RPGR: variants seen among roughly 807,000 people sequenced by gnomAD.
The protein encoded by RPGR is retinitis pigmentosa GTPase regulator, also known as X-linked retinitis pigmentosa GTPase regulator.
Under a neutral mutation model 56.3 loss-of-function variants are expected in RPGR, and 10 were observed. The observed-to-expected ratio is 0.18, with a 90% confidence interval of 0.11 to 0.30. The LOEUF (loss-of-function observed/expected upper bound fraction) is 0.30. Among genes scored for constraint, RPGR ranks in the 10% least tolerant of loss-of-function variants. The pLI, the probability that RPGR is intolerant of heterozygous loss-of-function variation, is 1.00. For synonymous variants in RPGR, 197 were observed against 212.9 expected, an observed-to-expected ratio of 0.93 and a Z score of 0.65; for missense variants, 538 against 590.9, an observed-to-expected ratio of 0.91 and a Z score of 0.93.
chrX:38,321,762 C>A, intron 3 of RPGR, among the ~76,000 whole-genome samples: 1 of 111,451 alleles, frequency 9.0e-6, no homozygotes, highest in Admixed American at 9.5e-5. Context: ...ACCTAACCTG[C>A]CATCACCATT....
rs113968324 is a variant in RPGR, at chrX:38,269,709, C to G, written c.2365G>C (p.Asp789His). ...TGATTCTGACTCATGTGGTTCTGGT[C>G]GGCATCTTTATTATCACTTTTTAAA... Residue 789 changes from aspartate to histidine, a missense_variant, in exon 19 of 19, where the codon GAC becomes CAC. Coordinates refer to ENST00000642395, the MANE Select transcript of RPGR (RefSeq NM_000328.3). The G allele has an allele frequency of 7.5e-6, 9 of 1,206,513 alleles. No individual in the cohort carries two copies. Among genetic ancestry groups the G allele is most frequent in the Non-Finnish European group, 1.0e-5 (9 of 892,648 alleles).
At chrX:38,283,976 G>A (rs774355420) in intron 15 of RPGR, among the ~76,000 whole-genome samples, 1 of 111,948 alleles carries the variant, frequency 8.9e-6, no homozygotes, top group East Asian at 2.8e-4. Flanking sequence ...GCAATGCAAT[G>A]CCAAATCAGT....
chrX:38,292,378 T>C (rs1479584201), intron 11 of RPGR, among the ~76,000 whole-genome samples: 1 of 112,675 alleles, frequency 8.9e-6, no homozygotes, highest in Non-Finnish European at 1.9e-5. Flanking sequence ...TATTACATCA[T>C]AAAGTAGATA....
rs768274240 is a variant in RPGR, at chrX:38,318,904, C to T, written c.394G>A (p.Val132Ile). ...TGCTCGGATGTAAAAAAGCTAATTACATGAAAAGTGTTTCTTTCTTCGGTG... is the reference window on the plus strand; with the variant it reads ...TGCTCGGATGTAAAAAAGCTAATTATATGAAAAGTGTTTCTTTCTTCGGTG... The change falls in exon 5 of 19, where the codon GTA (valine) becomes ATA (isoleucine). Residue 132 changes from valine to isoleucine, a missense_variant. Coordinates refer to ENST00000642395, the MANE Select transcript of RPGR (RefSeq NM_000328.3). 305 of 1,210,349 alleles carry T rather than the reference C, an allele frequency of 2.5e-4. No individual in the cohort carries two copies. Among genetic ancestry groups the T allele is most frequent in the Non-Finnish European group, 3.3e-4 (296 of 895,191 alleles).
At chrX:38,273,607 GACA>G (rs2066879886) in intron 17 of RPGR, 3 of 465,209 alleles carry the variant, frequency 6.4e-6, no homozygotes, top group Non-Finnish European at 7.4e-6. Context: ...TGGAGTAGTG[GACA>G]ACATCTACAC....
rs769641256 is a variant in RPGR at position 38,299,102 on chromosome X, G to C, written c.1099C>G (p.Pro367Ala). 3.6e-5 allele frequency: 43 copies of C among 1,209,795 alleles called. No individual in the cohort carries two copies. Among genetic ancestry groups the C allele is most frequent in the Non-Finnish European group, 4.1e-5 (37 of 895,152 alleles). The change falls in exon 10 of 19, where the codon CCT (proline) becomes GCT (alanine). Residue 367 changes from proline to alanine, a missense_variant. Pro to Ala is a conservative substitution (Grantham distance 27, BLOSUM62 -1). Transcript: ENST00000642395. ...ATTTCTTTTGCCACACCACGATGAG[G>C]AGCAGCAAAAACTACCATGTGACAT... is the stretch of plus-strand genomic sequence containing the variant.
At chrX:38,301,876 CA>C (rs759405876) in intron 8 of RPGR, among the ~76,000 whole-genome samples, 2 of 110,829 alleles carry the variant, frequency 1.8e-5, no homozygotes, top group African/African-American at 6.6e-5. Context: ...GGCCTCCACC[CA>C]CTAAATGCCA....
intron 15 of RPGR, among the ~76,000 whole-genome samples, chrX:38,279,395 C>T (rs2066989988): frequency 9.0e-6 from 1 of 111,722 alleles, no homozygotes; most frequent in African/African-American, 3.3e-5. Flanking sequence ...AGGCATGGCA[C>T]AGTCAGGTGC....
intron 7 of RPGR, 116 bp from the exon 8 acceptor site, chrX:38,304,906 G>GA (rs754050957): frequency 1.3e-3 from 735 of 570,804 alleles, no homozygotes; most frequent in Non-Finnish European, 1.6e-3. Context: ...TGCCTCTGGG[G>GA]AAAAAAAAAC....
At chrX:38,291,590 T>C (rs2067280250) in intron 11 of RPGR, 106 bp from the exon 12 acceptor site, 5 of 480,815 alleles carry the variant, frequency 1.0e-5, no homozygotes, top group Non-Finnish European at 1.8e-5. Context: ...TAGGTATAAT[T>C]TTACTAAAAG....
chrX:38,320,660 A>C (rs142691371), intron 4 of RPGR, among the ~76,000 whole-genome samples: 1 of 110,768 alleles, frequency 9.0e-6, no homozygotes, highest in Non-Finnish European at 1.9e-5. Flanking sequence ...CACACACACA[A>C]AAGCTCATAT....
chrX:38,318,704 T>G, intron 5 of RPGR, 125 bp downstream of exon 5: 1 of 704,037 alleles, frequency 1.4e-6, no homozygotes, highest in South Asian at 2.5e-5. Context: ...AAATGTTTTC[T>G]GAAAGCACAT....
chrX:38,317,359 G>A lies in RPGR; in HGVS notation c.576C>T (p.Val192=). The change falls in exon 6 of 19, where the codon GTC becomes GTT. Residue 192 remains valine (V), a synonymous_variant. Transcript: ENST00000642395. Reference sequence around the variant, plus strand: ...GGTAATATCCACAAGAGATCCAGGAGACAGGTTTCCCAATGGTCACTTGCT... The same window carrying A: ...GGTAATATCCACAAGAGATCCAGGAAACAGGTTTCCCAATGGTCACTTGCT... 1.7e-6 allele frequency: 2 copies of A among 1,210,031 alleles called. No individual in the cohort carries two copies. The highest frequency in any genetic ancestry group is 2.2e-6 in the Non-Finnish European group (2 of 894,029).
chrX:38,310,988 T>C (rs1414209376), intron 6 of RPGR, among the ~76,000 whole-genome samples: 1 of 112,397 alleles, frequency 8.9e-6, no homozygotes, highest in African/African-American at 3.2e-5. Flanking sequence ...CTACCACTAC[T>C]AATAAACAAC....
At chrX:38,283,335 G>A (rs771377622) in intron 15 of RPGR, among the ~76,000 whole-genome samples, 20 of 112,043 alleles carry the variant, frequency 1.8e-4, no homozygotes, top group Non-Finnish European at 3.2e-4. Context: ...CTTTGGTGAC[G>A]AGACTTAAGA....
chrX:38,317,542 C>T (rs1290634702), intron 5 of RPGR, 77 bp from the exon 6 acceptor site: 1 of 896,166 alleles, frequency 1.1e-6, no homozygotes. Context: ...TTCCAAAAGA[C>T]CATTTATTTT....
chrX:38,310,879 C>A, intron 6 of RPGR, 106 bp from the exon 7 acceptor site: 1 of 642,024 alleles, frequency 1.6e-6, no homozygotes, highest in South Asian at 2.5e-5. Flanking sequence ...TACATTTGAC[C>A]TTTCTTGAGA....
chrX:38,308,981 C>A (rs901362913), intron 7 of RPGR, among the ~76,000 whole-genome samples: 2 of 111,968 alleles, frequency 1.8e-5, no homozygotes, highest in African/African-American at 6.5e-5. Context: ...TTGTCTACAA[C>A]ATTTCTAACT....
chrX:38,305,108 C>T (rs1046401244), intron 7 of RPGR, among the ~76,000 whole-genome samples: 1 of 111,609 alleles, frequency 9.0e-6, no homozygotes, highest in Non-Finnish European at 1.9e-5. Context: ...CCCATAATTA[C>T]GTCGGCTCAA....
Sources: allele counts gnomAD v4.1 joint callset (sites outside exome capture counted in the v4.1 genomes callset), GRCh38; gene constraint gnomAD v4.1.1; transcripts MANE v1.5; gene names NCBI Gene and HGNC (gene_info 2026-07-23, HGNC 2026-07-21).